Variants in ATRN observed in about 807,000 individuals in gnomAD.
ATRN encodes attractin-2.
In ATRN, 54 loss-of-function variants were observed where a neutral mutation model predicts 178.7. The ratio of observed to expected loss-of-function variants is 0.30; its 90% CI spans 0.24 to 0.38. ATRN has a LOEUF of 0.38. Ranked by LOEUF, ATRN falls within the 10% of genes least tolerant of loss-of-function variation. The pLI, the probability that ATRN is intolerant of heterozygous loss-of-function variation, is 1.00. For missense variants in ATRN, 1,443 were observed against 1,815.1 expected, an observed-to-expected ratio of 0.79 and a Z score of 3.73; for synonymous variants, 636 against 663.0, an observed-to-expected ratio of 0.96 and a Z score of 0.63.
In ATRN at chr20:3,641,570, G is replaced by A. The variant is rs372773915; in HGVS notation, c.4051-2584G>A. 4.0e-5 allele frequency among the ~76,000 whole-genome samples: 4 copies of A among 99,360 alleles called. No homozygotes were observed. The South Asian group carries it at 1.0e-3, about 26-fold the overall frequency. 65.2% of individuals were successfully genotyped at this position (99,360 alleles called of 152,430 possible). On this transcript the variant is annotated intron_variant, in intron 27 of 28. Coordinates refer to ENST00000262919, the MANE Select transcript of ATRN (RefSeq NM_139321.3). The stretch of plus-strand genomic sequence containing the variant: ...TGCACCACTGTACTCCAGCCTGGGC[G>A]ACAGAACAAGACTCTGTCGCAAAAA...
At chr20:3,637,486 A>G (rs2087034413) in intron 26 of ATRN, among the ~76,000 whole-genome samples, 1 of 152,214 alleles carries the variant, frequency 6.6e-6, no homozygotes, top group African/African-American at 2.4e-5. Flanking sequence ...TTAAGAAAAT[A>G]TTTATAAAAA....
At chr20:3,610,840 C>A (rs534103773) in intron 24 of ATRN, among the ~76,000 whole-genome samples, 22 of 149,270 alleles carry the variant, frequency 1.5e-4, no homozygotes, top group African/African-American at 5.5e-4. Flanking sequence ...AAGTGATCCT[C>A]CCGCCTTGGT....
At position 3,552,722 on chromosome 20, in the gene ATRN, C is replaced by T. The variant is rs372364207; in HGVS notation, c.1112+3384C>T. Among the ~76,000 whole-genome samples, 30 of 152,274 alleles carry T rather than the reference C, an allele frequency of 2.0e-4. No homozygotes were observed. In the East Asian group the frequency reaches 3.7e-3, roughly 19 times the overall value. ...AGCTCACTTAGGTTGCTGGCAGAAT[C>T]AATTTCCTTGTAGTTATAGAACCGA... is the stretch of plus-strand genomic sequence containing the variant. On this transcript the variant is annotated intron_variant, in intron 6 of 28. Transcript: ENST00000262919.
intron 10 of ATRN, among the ~76,000 whole-genome samples, chr20:3,564,515 C>CT (rs2086002886): frequency 6.6e-6 from 1 of 152,102 alleles, no homozygotes; most frequent in Non-Finnish European, 1.5e-5. Context: ...ATAGCAGCAC[C>CT]AGTTGGTATT....
At chr20:3,640,727 A>ATTCCCCCC (rs1315190644) in intron 27 of ATRN, among the ~76,000 whole-genome samples, 1 of 152,260 alleles carries the variant, frequency 6.6e-6, no homozygotes, top group South Asian at 2.1e-4. Flanking sequence ...CCAGAATTAA[A>ATTCCCCCC]AGTAGAATTA....
intron 5 of ATRN, 38 bp from the exon 6 acceptor site, chr20:3,549,132 C>T (rs1461331424): frequency 3.3e-6 from 5 of 1,518,590 alleles, no homozygotes; most frequent in Non-Finnish European, 4.4e-6. Flanking sequence ...AGCTTTAAAG[C>T]TGTCTTTTGT....
intron 1 of ATRN, among the ~76,000 whole-genome samples, chr20:3,509,641 C>T (rs1336865553): frequency 1.3e-5 from 2 of 151,740 alleles, no homozygotes; most frequent in Non-Finnish European, 1.5e-5. Context: ...GTAGCTGGGA[C>T]CACAGGTGTG....
At chr20:3,527,897 A>G (rs6107305) in intron 1 of ATRN, among the ~76,000 whole-genome samples, 7,361 of 141,824 alleles carry the variant, frequency 0.052, 573 homozygotes, top group African/African-American at 0.17. Flanking sequence ...GGAGGGGAAC[A>G]TCGCATACTG....
At chr20:3,490,919 C>G in intron 1 of ATRN, 1 of 1,321,004 alleles carries the variant, frequency 7.6e-7, no homozygotes, top group Non-Finnish European at 1.1e-6. Context: ...GCGTGGACTT[C>G]TTAGTGAGCA....
intron 1 of ATRN, among the ~76,000 whole-genome samples, chr20:3,507,394 G>A (rs1404520379): frequency 9.2e-5 from 13 of 141,444 alleles, no homozygotes; most frequent in Non-Finnish European, 1.5e-4. Flanking sequence ...GCGACAGAGC[G>A]AAACTCCGTC....
rs564501750 is a variant in ATRN, at chr20:3,488,208, T to C, written c.410+16691T>C. On this transcript the variant is annotated intron_variant, in intron 1 of 28. Transcript: ENST00000262919. ...GCAGATTGCATTTACTTCTTGATTTTAACGTAGTGAAATGTATTGATTTTT... is the reference window on the plus strand; with the variant it reads ...GCAGATTGCATTTACTTCTTGATTTCAACGTAGTGAAATGTATTGATTTTT... Among the ~76,000 whole-genome samples the C allele has an allele frequency of 3.3e-5, 5 of 152,336 alleles. No individual in the cohort carries two copies. The South Asian group carries it at 1.0e-3, about 32-fold the overall frequency.
At chr20:3,485,919 C>G (rs2084687867) in intron 1 of ATRN, among the ~76,000 whole-genome samples, 1 of 152,068 alleles carries the variant, frequency 6.6e-6, no homozygotes, top group Non-Finnish European at 1.5e-5. Context: ...CCCGCCCAGC[C>G]TGAATTTTTG....
intron 25 of ATRN, among the ~76,000 whole-genome samples, chr20:3,628,438 T>A (rs2086961796): frequency 6.6e-6 from 1 of 152,102 alleles, no homozygotes; most frequent in Non-Finnish European, 1.5e-5. Context: ...CCAAAAACAT[T>A]AAGTGGAAAA....
chr20:3,521,224 A>G (rs550272074), intron 1 of ATRN, among the ~76,000 whole-genome samples: 4 of 152,340 alleles, frequency 2.6e-5, no homozygotes, highest in African/African-American at 9.6e-5. Context: ...AGGTGTATGC[A>G]AAGTATTAGG....
At position 3,582,322 on chromosome 20, in the gene ATRN, A is replaced by G. The variant is rs139398558; in HGVS notation, c.2732A>G (p.Asn911Ser). 1.3e-4 allele frequency: 205 copies of G among 1,612,344 alleles called. 1 individual carries two copies. In the African/African-American group the frequency reaches 2.3e-3, roughly 18 times the overall value. Residue 911 changes from asparagine to serine, a missense_variant, in exon 16 of 29, where the codon AAC becomes AGC. By Grantham distance (46) the Asn-to-Ser change is conservative. Around this residue, in one of 4 missense-constraint regions of ATRN, gnomAD observed 212 missense variants for 330.7 expected, o/e 0.64. Transcript: ENST00000262919. ...TRGLKAATCI[N>S]PLNGSVCERP... ...GGACTGAAGGCTGCAACCTGCATCA[A>G]CCCACTCAATGGTAGTGTCTGTGAA...
intron 1 of ATRN, among the ~76,000 whole-genome samples, chr20:3,531,224 C>T (rs1043435284): frequency 1.3e-5 from 2 of 152,150 alleles, no homozygotes; most frequent in African/African-American, 4.8e-5. Context: ...TAAAAACTCA[C>T]ATAATTTAAA....
intron 1 of ATRN, among the ~76,000 whole-genome samples, chr20:3,503,087 C>T (rs952288708): frequency 2.6e-5 from 4 of 152,028 alleles, no homozygotes; most frequent in African/African-American, 4.8e-5. Flanking sequence ...TCTTTACCCT[C>T]TCAGGCAGTG....
intron 1 of ATRN, among the ~76,000 whole-genome samples, chr20:3,480,826 TG>T (rs1044098809): frequency 5.3e-5 from 8 of 152,222 alleles, no homozygotes; most frequent in African/African-American, 1.9e-4. Context: ...TTAATACATT[TG>T]TAGGTTATTT....
At chr20:3,634,929 C>A (rs2087014651) in intron 26 of ATRN, among the ~76,000 whole-genome samples, 2 of 152,112 alleles carry the variant, frequency 1.3e-5, no homozygotes, top group South Asian at 4.2e-4. Context: ...TTACAGCTGA[C>A]AAATTTAAAT....
Sources: gnomAD v4.1 joint callset for allele counts (sites outside exome capture counted in the v4.1 genomes callset) on GRCh38, gnomAD v4.1.1 for gene constraint, gnomAD v4.1.1 regional missense constraint, MANE v1.5 for transcripts, NCBI Gene and HGNC (gene_info 2026-07-23, HGNC 2026-07-21) for gene names.